Variants in UNC13C observed in about 807,000 individuals in gnomAD.
The protein encoded by UNC13C is unc-13 homolog C.
UNC13C carries 174 observed loss-of-function variants against 245.4 expected under a neutral mutation model. The ratio of observed to expected loss-of-function variants is 0.71; its 90% CI spans 0.63 to 0.80. UNC13C has a LOEUF of 0.80. UNC13C is among the 30% of genes least tolerant of loss of function. The probability of loss-of-function intolerance (pLI) is 0.00; values close to 1 mark genes in which losing one functional copy is unlikely to be tolerated. For missense variants in UNC13C, 2,829 were observed against 2,602.9 expected (o/e 1.09, Z -1.89); for synonymous variants, 992 against 895.1 (o/e 1.11, Z -1.93).
intron 2 of UNC13C, chr15:54,049,138 G>C (rs560884727): frequency 2.6e-6 from 1 of 380,780 alleles, no homozygotes; most frequent in Non-Finnish European, 5.2e-6. Context: ...GCATCCTTAC[G>C]AGGAAGAAGC....
intron 26 of UNC13C, among the ~76,000 whole-genome samples, chr15:54,542,738 C>A (rs1896304425): frequency 6.6e-6 from 1 of 152,182 alleles, no homozygotes; most frequent in Non-Finnish European, 1.5e-5. Context: ...GCATTGATCC[C>A]TTTACCATTT....
chr15:54,552,692 A>G (rs950145053), intron 28 of UNC13C, among the ~76,000 whole-genome samples: 1 of 87,576 alleles, frequency 1.1e-5, no homozygotes, highest in East Asian at 3.6e-4. Context: ...TTATATAATT[A>G]TATATTATAT....
chr15:54,221,796 A>G (rs1286854803), intron 4 of UNC13C, among the ~76,000 whole-genome samples: 1 of 152,070 alleles, frequency 6.6e-6, no homozygotes, highest in Admixed American at 6.6e-5. Context: ...AGAGTATACA[A>G]ATTTTCTGAT....
intron 19 of UNC13C, among the ~76,000 whole-genome samples, chr15:54,483,451 C>A (rs1178229074): frequency 1.3e-5 from 2 of 152,100 alleles, no homozygotes; most frequent in Admixed American, 6.5e-5. Flanking sequence ...AACAATTTTT[C>A]TTTGTTTTTA....
chr15:53,954,913 G>C, the UNC13C span, among the ~76,000 whole-genome samples: 2 of 152,108 alleles, frequency 1.3e-5, no homozygotes, highest in African/African-American at 4.8e-5. Context: ...TGTACCATTA[G>C]GCTTTCATAA....
intron 17 of UNC13C, among the ~76,000 whole-genome samples, chr15:54,358,048 G>C (rs914321010): frequency 2.6e-5 from 4 of 151,982 alleles, no homozygotes; most frequent in African/African-American, 7.2e-5. Context: ...ATGCAATCGA[G>C]CTTTCCTAGC....
intron 8 of UNC13C, among the ~76,000 whole-genome samples, chr15:54,251,653 G>T (rs963854682): frequency 7.2e-5 from 11 of 152,050 alleles, no homozygotes; most frequent in African/African-American, 2.7e-4. Flanking sequence ...CTTAAAAATT[G>T]CCAAAAAGTT....
chr15:54,596,505 TACA>T (rs1264135685), intron 30 of UNC13C, among the ~76,000 whole-genome samples: 1 of 152,158 alleles, frequency 6.6e-6, no homozygotes, highest in Non-Finnish European at 1.5e-5. Flanking sequence ...CACACACACG[TACA>T]ACAATAACTC....
At chr15:54,436,484 T>TA (rs542849808) in intron 19 of UNC13C, among the ~76,000 whole-genome samples, 1,554 of 151,774 alleles carry the variant, frequency 0.01, 19 homozygotes, top group South Asian at 0.043. Context: ...TATGCAGCCA[T>TA]AAAAAAGGAT....
intron 4 of UNC13C, among the ~76,000 whole-genome samples, chr15:54,148,246 A>G (rs1359023245): frequency 6.6e-6 from 1 of 152,222 alleles, no homozygotes; most frequent in Non-Finnish European, 1.5e-5. Context: ...TAAGAAACGT[A>G]TGCTGAGATT....
intron 4 of UNC13C, among the ~76,000 whole-genome samples, chr15:54,213,443 T>C (rs548029394): frequency 5.3e-5 from 8 of 151,826 alleles, no homozygotes; most frequent in African/African-American, 1.9e-4. Context: ...TTAATGTGTA[T>C]TATAAAAGGA....
chr15:54,290,607 A>G (rs901420149), intron 10 of UNC13C, among the ~76,000 whole-genome samples: 6 of 152,080 alleles, frequency 3.9e-5, no homozygotes, highest in Non-Finnish European at 8.8e-5. Context: ...TATATGTATT[A>G]TGTAGAAAGA....
chr15:54,003,845 TA>T (rs1895012762), intron 1 of UNC13C, among the ~76,000 whole-genome samples: 1 of 152,112 alleles, frequency 6.6e-6, no homozygotes, highest in South Asian at 2.1e-4. Flanking sequence ...ACCCTGTCTC[TA>T]CTAAAAATAC....
chr15:53,881,019 C>G, the UNC13C span, among the ~76,000 whole-genome samples: 1 of 152,148 alleles, frequency 6.6e-6, no homozygotes, highest in African/African-American at 2.4e-5. Flanking sequence ...CCAAGTGATG[C>G]TGGCCTTGTC....
At chr15:54,285,808 AT>A (rs1270169369) in intron 10 of UNC13C, among the ~76,000 whole-genome samples, 3 of 149,314 alleles carry the variant, frequency 2.0e-5, no homozygotes, top group Non-Finnish European at 3.0e-5. Flanking sequence ...CTTATAGCTT[AT>A]TTTAATGAAT....
intron 2 of UNC13C, among the ~76,000 whole-genome samples, chr15:54,081,187 A>G (rs1454763263): frequency 1.3e-5 from 2 of 151,866 alleles, no homozygotes; most frequent in African/African-American, 2.4e-5. Flanking sequence ...TATGATTTTG[A>G]TTTTAGAACT....
At chr15:54,427,818 A>G (rs921737242) in intron 19 of UNC13C, among the ~76,000 whole-genome samples, 1 of 151,730 alleles carries the variant, frequency 6.6e-6, no homozygotes, top group Non-Finnish European at 1.5e-5. Context: ...TTTGAGGGGA[A>G]ATGTTCATGG....
chr15:54,594,924 C>A (rs754354498), intron 30 of UNC13C, among the ~76,000 whole-genome samples: 2 of 152,334 alleles, frequency 1.3e-5, no homozygotes, highest in East Asian at 1.9e-4. Flanking sequence ...GGCTTGCTCA[C>A]GGCCCAGAGC....
chr15:54,309,332 C>G (rs1053728544), intron 13 of UNC13C, among the ~76,000 whole-genome samples: 1 of 151,780 alleles, frequency 6.6e-6, no homozygotes, highest in Non-Finnish European at 1.5e-5. Context: ...AGATCCTTTG[C>G]CCATTTTTTA....
Sources: allele counts gnomAD v4.1 joint callset (sites outside exome capture counted in the v4.1 genomes callset), GRCh38; gene constraint gnomAD v4.1.1; transcripts MANE v1.5; gene names NCBI Gene and HGNC (gene_info 2026-07-23, HGNC 2026-07-21).